Variants in CABIN1 observed in about 807,000 individuals in gnomAD.
CABIN1 encodes calcineurin-binding protein cabin-1.
In CABIN1, 133 loss-of-function variants were observed where a neutral mutation model predicts 227.7. The observed-to-expected ratio is 0.58, with a 90% CI of 0.51 to 0.67. The LOEUF is 0.67. Ranked by LOEUF, CABIN1 falls within the 30% of genes least tolerant of loss-of-function variation. The pLI is 0.00. For missense variants in CABIN1, 2,408 were observed against 2,852.5 expected, an observed-to-expected ratio of 0.84 and a Z score of 3.55; for synonymous variants, 1,086 against 1,155.1, an observed-to-expected ratio of 0.94 and a Z score of 1.21.
intron 26 of CABIN1, among the ~76,000 whole-genome samples, chr22:24,106,703 C>T (rs1223501338): frequency 6.6e-6 from 1 of 152,218 alleles, no homozygotes; most frequent in East Asian, 1.9e-4. Flanking sequence ...TCTGTGGCCT[C>T]TCTGAGGTCT....
intron 29 of CABIN1, chr22:24,156,019 G>A (rs981666524): frequency 1.7e-5 from 10 of 573,186 alleles, no homozygotes; most frequent in South Asian, 3.9e-5. Context: ...AGCCTCCGCG[G>A]CCATGGCCCG....
chr22:24,081,532 A>G (rs576095145), intron 19 of CABIN1, among the ~76,000 whole-genome samples: 9 of 152,252 alleles, frequency 5.9e-5, no homozygotes, highest in Middle Eastern at 3.4e-3. Context: ...CCAGTCTTTC[A>G]TGAGGTTTGT....
chr22:24,176,142 C>A lies in CABIN1; in HGVS notation c.6072C>A (p.Gly2024=). The change falls in exon 35 of 37, where the codon GGC becomes GGA. Residue 2024 remains glycine (G), a synonymous_variant. Coordinates refer to ENST00000263119, the MANE Select transcript of CABIN1 (RefSeq NM_012295.4). ...EGEELARVAE[G]TSFPPQEPRH... ...AAGAGCTGGCGAGAGTGGCAGAGGG[C>A]ACCAGCTTCCCGCCTCAGGAGCCAC... 6.2e-7 allele frequency: 1 copy of A among 1,610,644 alleles called. No homozygotes were observed. The highest frequency in any genetic ancestry group is 2.2e-5 in the East Asian group (1 of 44,788).
At chr22:24,032,799 C>T (rs1375226042) in intron 1 of CABIN1, among the ~76,000 whole-genome samples, 2 of 152,158 alleles carry the variant, frequency 1.3e-5, no homozygotes, top group African/African-American at 4.8e-5. Context: ...GGCATGGTGG[C>T]TCACTGTAAT....
At chr22:24,069,266 A>G (rs191552571) in intron 16 of CABIN1, among the ~76,000 whole-genome samples, 3 of 152,232 alleles carry the variant, frequency 2.0e-5, no homozygotes, top group Non-Finnish European at 2.9e-5. Context: ...TTTTCCATGT[A>G]TTCCTACGTT....
intron 18 of CABIN1, among the ~76,000 whole-genome samples, chr22:24,074,979 G>A (rs1254716584): frequency 6.6e-6 from 1 of 152,098 alleles, no homozygotes; most frequent in African/African-American, 2.4e-5. Flanking sequence ...GATTACATGG[G>A]GCCAGGAGTT....
chr22:24,140,672 A>G (rs2044701219), intron 29 of CABIN1, among the ~76,000 whole-genome samples: 1 of 152,248 alleles, frequency 6.6e-6, no homozygotes, highest in South Asian at 2.1e-4. Flanking sequence ...TGCTTATTTT[A>G]GCAGGCAGGG....
rs562709755 is a variant in CABIN1, at chr22:24,071,012, C to A, written c.2445C>A (p.Gly815=). 1 of 1,614,240 alleles carries A rather than the reference C, an allele frequency of 6.2e-7. No homozygotes were observed. The highest frequency in any genetic ancestry group is 1.7e-5 in the Admixed American group (1 of 60,032). ...SILKVSSSTT[G]LVRLTNNLIQ... is the part of the protein sequence containing the mutation. ...TGAAGGTATCATCCTCCACCACTGG[C>A]CTTGTGCGGCTCACCAACAACCTCA... The change falls in exon 17 of 37, where the codon GGC becomes GGA. Residue 815 remains glycine (G), a synonymous_variant. Transcript: ENST00000263119.
Position 24,167,190 on chromosome 22 carries a change from A to G in CABIN1, c.5559A>G (p.Thr1853=), listed in dbSNP as rs2148701950. The part of the protein sequence containing the change: ...LSRKRKLLED[T]ESGKTLLLDA... ...GCAAGAGGAAGCTCCTGGAGGACAC[A>G]GAGTCAGGCAAGACACTTCTGTTGG... The change falls in exon 32 of 37, where the codon ACA becomes ACG. Residue 1853 remains threonine (T), a synonymous_variant. Coordinates refer to ENST00000263119, the MANE Select transcript of CABIN1 (RefSeq NM_012295.4). 1 of 1,611,756 alleles carries G rather than the reference A, an allele frequency of 6.2e-7. No individual in the cohort carries two copies. Among genetic ancestry groups the G allele is most frequent in the East Asian group, 2.2e-5 (1 of 44,848 alleles).
chr22:24,071,143 C>A, intron 17 of CABIN1, 101 bp downstream of exon 17: 2 of 1,506,428 alleles, frequency 1.3e-6, no homozygotes, highest in Non-Finnish European at 1.8e-6. Context: ...TAATTAGGCA[C>A]CCAAAGGGGA....
chr22:24,145,252 G>T (rs2045036564), intron 29 of CABIN1, among the ~76,000 whole-genome samples: 1 of 152,182 alleles, frequency 6.6e-6, no homozygotes, highest in Non-Finnish European at 1.5e-5. Context: ...TGCACTAGCT[G>T]CCCTGAATGC....
At chr22:24,128,380 T>G (rs1249585119) in intron 28 of CABIN1, among the ~76,000 whole-genome samples, 1 of 152,186 alleles carries the variant, frequency 6.6e-6, no homozygotes, top group East Asian at 1.9e-4. Context: ...ATTATAATTT[T>G]TCATGATTAG....
At chr22:24,118,416 G>T (rs2043206463) in intron 27 of CABIN1, among the ~76,000 whole-genome samples, 1 of 152,148 alleles carries the variant, frequency 6.6e-6, no homozygotes, top group Non-Finnish European at 1.5e-5. Context: ...GGGGGCCTTG[G>T]TTGTTGCTGA....
Position 24,086,145 on chromosome 22 carries a change from G to T in CABIN1, c.3263+994G>T, listed in dbSNP as rs1461884829. ...TCCAGTCAGGGAGCCATGTGGCAGA[G>T]CCCTGGCCGTCCTCTTGGGGTGACT... On this transcript the variant is annotated intron_variant, in intron 22 of 36. Coordinates refer to ENST00000263119, the MANE Select transcript of CABIN1 (RefSeq NM_012295.4). Among the ~76,000 whole-genome samples, 3 of 152,258 alleles carry T rather than the reference G, an allele frequency of 2.0e-5. No homozygotes were observed. In the East Asian group the frequency reaches 5.8e-4, roughly 29 times the overall value.
At chr22:24,135,847 A>G (rs2044363258) in intron 29 of CABIN1, among the ~76,000 whole-genome samples, 1 of 152,200 alleles carries the variant, frequency 6.6e-6, no homozygotes, top group African/African-American at 2.4e-5. Flanking sequence ...GTGGGCAGGC[A>G]GGTCCCCGCT....
At chr22:24,023,886 C>T (rs966434652) in intron 1 of CABIN1, among the ~76,000 whole-genome samples, 6 of 152,056 alleles carry the variant, frequency 3.9e-5, no homozygotes, top group Admixed American at 2.0e-4. Flanking sequence ...GTGCCTGCCA[C>T]CATGCCCAGC....
At chr22:24,011,954 G>C (rs2034844795) in intron 1 of CABIN1, among the ~76,000 whole-genome samples, 2 of 152,168 alleles carry the variant, frequency 1.3e-5, no homozygotes, top group Admixed American at 1.3e-4. Context: ...TAACTCTTCA[G>C]GACCTGGGTT....
intron 21 of CABIN1, 66 bp downstream of exon 21, chr22:24,084,851 T>C (rs528856199): frequency 6.4e-7 from 1 of 1,571,920 alleles, no homozygotes; most frequent in African/African-American, 1.3e-5. Context: ...CTGCCACTGC[T>C]GTATATGCTC....
chr22:24,026,677 G>A (rs1437291132), intron 1 of CABIN1, among the ~76,000 whole-genome samples: 1 of 152,164 alleles, frequency 6.6e-6, no homozygotes, highest in African/African-American at 2.4e-5. Context: ...TTGCACCATA[G>A]TCAGTAATAA....
Sources: allele counts gnomAD v4.1 joint callset (sites outside exome capture counted in the v4.1 genomes callset), GRCh38; gene constraint gnomAD v4.1.1; transcripts MANE v1.5; gene names NCBI Gene and HGNC (gene_info 2026-07-23, HGNC 2026-07-21).